Variants in FNDC3A observed in about 807,000 individuals in gnomAD.
FNDC3A encodes the protein fibronectin type III domain containing 3A.
A neutral mutation model predicts 148.9 loss-of-function variants in FNDC3A; 32 were observed. The observed-to-expected ratio is 0.21, with a 90% CI of 0.16 to 0.29. FNDC3A has a LOEUF of 0.29. Among genes scored for constraint, FNDC3A ranks in the 10% least tolerant of loss-of-function variants. FNDC3A has a pLI of 1.00. For synonymous variants in FNDC3A, 472 were observed against 473.6 expected (o/e 1.00, Z 0.04); for missense variants, 1,191 against 1,452.8 (o/e 0.82, Z 2.93).
At chr13:49,012,280 A>AT (rs1952365066) in intron 2 of FNDC3A, among the ~76,000 whole-genome samples, 1 of 151,908 alleles carries the variant, frequency 6.6e-6, no homozygotes, top group Non-Finnish European at 1.5e-5. Context: ...TGCCCGGCTA[A>AT]TTTTTTGTAT....
At chr13:49,020,611 C>A (rs1289825390) in intron 2 of FNDC3A, among the ~76,000 whole-genome samples, 2 of 152,232 alleles carry the variant, frequency 1.3e-5, no homozygotes, top group African/African-American at 4.8e-5. Flanking sequence ...ACTTGCTGAT[C>A]TCCATTCCAT....
intron 1 of FNDC3A, among the ~76,000 whole-genome samples, chr13:49,000,313 A>C (rs1266957134): frequency 6.6e-6 from 1 of 152,220 alleles, no homozygotes; most frequent in Non-Finnish European, 1.5e-5. Flanking sequence ...CCAGTTTTTC[A>C]TACATCATTT....
intron 3 of FNDC3A, among the ~76,000 whole-genome samples, chr13:49,079,276 T>C (rs971332019): frequency 6.6e-6 from 1 of 152,158 alleles, no homozygotes. Flanking sequence ...TGCTGGACAT[T>C]CAAACAAAAT....
At position 49,148,438 on chromosome 13, in the gene FNDC3A, A is replaced by C. The variant is rs546838202; in HGVS notation, c.977+2503A>C. ...TTCATTCTTCTGCAGGTGGATATCC[A>C]ATTTTCCTAGCAGCATTTATTGAGA... is the stretch of plus-strand genomic sequence containing the variant. On this transcript the variant is annotated intron_variant, in intron 8 of 25. Coordinates refer to ENST00000492622, the MANE Select transcript of FNDC3A (RefSeq NM_001079673.2). 4.6e-5 allele frequency among the ~76,000 whole-genome samples: 7 copies of C among 152,306 alleles called. No homozygotes were observed. The East Asian group carries it at 1.4e-3, about 29-fold the overall frequency.
At chr13:49,187,002 AAGTCATTGC>A (rs1252617029) in intron 15 of FNDC3A, 111 bp from the exon 16 acceptor site, 8 of 605,576 alleles carry the variant, frequency 1.3e-5, no homozygotes, top group Non-Finnish European at 2.3e-5. Flanking sequence ...TACTGGTATT[AAGTCATTGC>A]AGGTGATTTT....
intron 1 of FNDC3A, among the ~76,000 whole-genome samples, chr13:48,999,380 G>A (rs1286815577): frequency 6.6e-6 from 1 of 152,166 alleles, no homozygotes; most frequent in Non-Finnish European, 1.5e-5. Context: ...TGTCTGTCCT[G>A]TGCCTGTCCC....
rs748784197 is a variant in FNDC3A, at chr13:49,131,224, T to C, written c.340T>C (p.Ser114Pro). The C allele has an allele frequency of 6.2e-7, 1 of 1,614,100 alleles. No individual in the cohort carries two copies. The highest frequency in any genetic ancestry group is 1.1e-5 in the South Asian group (1 of 91,084). Reference sequence around the variant, plus strand: ...TGGTAGTCACACAGTTCTCCACCGTTCTCCACATCCTCCTCTACCTGGTTT... The same window carrying C: ...TGGTAGTCACACAGTTCTCCACCGTCCTCCACATCCTCCTCTACCTGGTTT... ...HPGSHTVLHRSPHPPLPGFIP... is the reference protein window; with the variant it reads ...HPGSHTVLHRPPHPPLPGFIP... Residue 114 changes from serine to proline, a missense_variant, in exon 5 of 26, where the codon TCT becomes CCT. By Grantham distance (74) the Ser-to-Pro change is moderately conservative. Coordinates refer to ENST00000492622, the MANE Select transcript of FNDC3A (RefSeq NM_001079673.2).
chr13:49,119,892 T>C (rs1881220337), intron 4 of FNDC3A, among the ~76,000 whole-genome samples: 1 of 152,034 alleles, frequency 6.6e-6, no homozygotes. Flanking sequence ...ATGGGGAATA[T>C]GGATCCAAGT....
rs529618313 is a variant in FNDC3A at position 48,989,704 on chromosome 13, A to G, written c.-40+13527A>G. 5.1e-4 allele frequency among the ~76,000 whole-genome samples: 77 copies of G among 152,322 alleles called. No homozygotes were observed. In the South Asian group the frequency reaches 0.016, roughly 31 times the overall value. ...AATAAGCACAATAAGCATAAGAAAGATGAATAAAACTCTGCTAAAACACAT... is the reference window on the plus strand; with the variant it reads ...AATAAGCACAATAAGCATAAGAAAGGTGAATAAAACTCTGCTAAAACACAT... On this transcript the variant is annotated intron_variant, in intron 1 of 25. Coordinates refer to ENST00000492622, the MANE Select transcript of FNDC3A (RefSeq NM_001079673.2).
intron 10 of FNDC3A, among the ~76,000 whole-genome samples, chr13:49,170,146 C>G (rs1884677660): frequency 6.6e-6 from 1 of 152,088 alleles, no homozygotes; most frequent in Non-Finnish European, 1.5e-5. Flanking sequence ...TTGAACCCTT[C>G]TAGAAATGAC....
chr13:48,980,094 G>T (rs538283367), intron 1 of FNDC3A, among the ~76,000 whole-genome samples: 148 of 152,184 alleles, frequency 9.7e-4, no homozygotes, highest in African/African-American at 3.4e-3. Flanking sequence ...AGAAATAAGT[G>T]CTTCTGTAAT....
At chr13:49,019,094 G>A (rs569684356) in intron 2 of FNDC3A, among the ~76,000 whole-genome samples, 21 of 152,378 alleles carry the variant, frequency 1.4e-4, no homozygotes, top group South Asian at 8.3e-4. Context: ...AGCCTACAGC[G>A]GCAGGCAGGC....
intron 2 of FNDC3A, among the ~76,000 whole-genome samples, chr13:49,053,048 C>G (rs566485810): frequency 6.6e-6 from 1 of 152,300 alleles, no homozygotes; most frequent in Non-Finnish European, 1.5e-5. Flanking sequence ...CGGCCGCAGT[C>G]CTGAAGGCCA....
chr13:49,057,508 C>CT (rs1277854491), intron 2 of FNDC3A, among the ~76,000 whole-genome samples: 4 of 152,010 alleles, frequency 2.6e-5, no homozygotes, highest in African/African-American at 7.3e-5. Context: ...GTTCTTAGCT[C>CT]TTTTTTACAA....
intron 25 of FNDC3A, 59 bp from the exon 26 acceptor site, chr13:49,207,022 T>C (rs1290151702): frequency 4.7e-6 from 6 of 1,266,576 alleles, no homozygotes; most frequent in African/African-American, 1.5e-5. Flanking sequence ...TAGCCAGTTT[T>C]AACACATTTT....
intron 23 of FNDC3A, chr13:49,201,133 A>G: frequency 3.4e-6 from 1 of 295,516 alleles, no homozygotes. Context: ...AAAATTTTAG[A>G]AACATCCAAT....
intron 1 of FNDC3A, among the ~76,000 whole-genome samples, chr13:49,005,939 G>A (rs1952212816): frequency 6.6e-6 from 1 of 151,838 alleles, no homozygotes; most frequent in Admixed American, 6.6e-5. Context: ...TAAACTTACT[G>A]ACTACTTTGA....
In FNDC3A at chr13:49,207,460, A is replaced by G. The variant is rs1044957591; in HGVS notation, c.*65A>G. 45 of 1,068,738 alleles carry G rather than the reference A, an allele frequency of 4.2e-5. No homozygotes were observed. The highest frequency in any genetic ancestry group is 3.9e-5 in the Non-Finnish European group (29 of 743,946). The allele number at this position is 1,068,738 out of a possible 1,614,324, so 66.2% of individuals were successfully genotyped here. On this transcript the variant is annotated 3_prime_UTR_variant, in exon 26 of 26. Transcript: ENST00000492622. ...TGTCATGTACTAAAATTATTTCTGT[A>G]TTGCTTTTATAAAAAACAGTGGCAT...
chr13:49,161,300 G>A (rs1162134079), intron 8 of FNDC3A, among the ~76,000 whole-genome samples: 2 of 152,146 alleles, frequency 1.3e-5, no homozygotes, highest in Non-Finnish European at 2.9e-5. Context: ...GAATCTGGGT[G>A]TATATATATT....
Sources: allele counts gnomAD v4.1 joint callset (sites outside exome capture counted in the v4.1 genomes callset), GRCh38; gene constraint gnomAD v4.1.1; transcripts MANE v1.5; gene names NCBI Gene and HGNC (gene_info 2026-07-23, HGNC 2026-07-21).